GADL1: variants seen among roughly 807,000 people sequenced by gnomAD.
GADL1 encodes acidic amino acid decarboxylase GADL1.
Under a neutral mutation model 69.5 loss-of-function variants are expected in GADL1, and 71 were observed. The ratio of observed to expected loss-of-function variants is 1.02; its 90% CI spans 0.84 to 1.25. GADL1 has a LOEUF of 1.25. GADL1 is among the 50% of genes most tolerant of loss of function. The probability of loss-of-function intolerance (pLI) is 0.00; values close to 1 mark genes in which losing one functional copy is unlikely to be tolerated. For synonymous variants in GADL1, 254 were observed against 214.4 expected (o/e 1.18, Z -1.62); for missense variants, 737 against 631.8 (o/e 1.17, Z -1.79).
Position 30,849,636 on chromosome 3 carries a change from T to G in GADL1, c.651+360A>C, listed in dbSNP as rs968972596. Among the ~76,000 whole-genome samples the G allele has an allele frequency of 2.0e-5, 3 of 152,080 alleles. No individual in the cohort carries two copies. The East Asian group carries it at 5.8e-4, about 29-fold the overall frequency. On this transcript the variant is annotated intron_variant, in intron 6 of 14. Transcript: ENST00000282538. ...CCCTTATATTAGCCAATCAAAGCAATCATTTTAAAAGGAAATGTGAGTAGA... is the reference window on the plus strand; with the variant it reads ...CCCTTATATTAGCCAATCAAAGCAAGCATTTTAAAAGGAAATGTGAGTAGA...
chr3:30,859,693 A>T (rs907138923), intron 2 of GADL1, among the ~76,000 whole-genome samples: 4 of 151,972 alleles, frequency 2.6e-5, no homozygotes, highest in Non-Finnish European at 4.4e-5. Flanking sequence ...GCTGATGAAG[A>T]ATTTTCTGCT....
intron 14 of GADL1, among the ~76,000 whole-genome samples, chr3:30,729,189 A>T (rs1381005848): frequency 1.3e-5 from 2 of 152,184 alleles, no homozygotes; most frequent in Non-Finnish European, 2.9e-5. Flanking sequence ...TGAAGAAACT[A>T]GTCTAATTTA....
chr3:30,787,392 C>G (rs145110385), intron 12 of GADL1, among the ~76,000 whole-genome samples: 1 of 152,158 alleles, frequency 6.6e-6, no homozygotes, highest in Non-Finnish European at 1.5e-5. Flanking sequence ...ATTGACTCCT[C>G]TCTTCTAGGC....
At chr3:30,834,966 G>T (rs1169955136) in intron 9 of GADL1, among the ~76,000 whole-genome samples, 1 of 152,090 alleles carries the variant, frequency 6.6e-6, no homozygotes. Flanking sequence ...CTTGAAAATG[G>T]TGCAGACATA....
chr3:30,744,051 T>C (rs111332721), intron 14 of GADL1, among the ~76,000 whole-genome samples: 2 of 152,072 alleles, frequency 1.3e-5, no homozygotes. Context: ...TTATAAACCA[T>C]TGAGATTTGG....
intron 1 of GADL1, among the ~76,000 whole-genome samples, chr3:30,876,498 G>T (rs2125543182): frequency 6.6e-6 from 1 of 152,130 alleles, no homozygotes; most frequent in Non-Finnish European, 1.5e-5. Context: ...CACTTGTAAT[G>T]AACAAGTATG....
chr3:30,868,037 C>T (rs990399879), intron 1 of GADL1, among the ~76,000 whole-genome samples: 3 of 151,998 alleles, frequency 2.0e-5, no homozygotes, highest in African/African-American at 7.2e-5. Context: ...GTAACAACTT[C>T]ATTGACAGCT....
chr3:30,767,451 GAA>G (rs1696307934), intron 14 of GADL1, among the ~76,000 whole-genome samples: 5 of 151,870 alleles, frequency 3.3e-5, no homozygotes, highest in Middle Eastern at 3.4e-3. Context: ...TTGGAAAACT[GAA>G]ATAGTTTTTA....
chr3:30,858,575 A>C (rs1698264634), intron 2 of GADL1, among the ~76,000 whole-genome samples: 1 of 152,034 alleles, frequency 6.6e-6, no homozygotes, highest in African/African-American at 2.4e-5. Context: ...GATCATCCCA[A>C]GGTTTCCAGC....
chr3:30,773,976 C>T (rs1227173979), intron 14 of GADL1, among the ~76,000 whole-genome samples: 2 of 152,092 alleles, frequency 1.3e-5, no homozygotes, highest in East Asian at 1.9e-4. Context: ...ATCCAGTACC[C>T]AATTTCCAGT....
At chr3:30,814,490 A>T (rs1209919296) in intron 11 of GADL1, among the ~76,000 whole-genome samples, 1 of 152,148 alleles carries the variant, frequency 6.6e-6, no homozygotes, top group Admixed American at 6.5e-5. Context: ...TATCACAACC[A>T]CTGAACTCTA....
intron 13 of GADL1, chr3:30,778,878 C>T (rs1224027912): frequency 6.6e-6 from 1 of 152,192 alleles, no homozygotes; most frequent in Non-Finnish European, 1.5e-5. Context: ...TGTAGATTCT[C>T]ATAGGAACTC....
chr3:30,862,571 T>A (rs59210901), intron 1 of GADL1, among the ~76,000 whole-genome samples: 6,638 of 152,028 alleles, frequency 0.044, 381 homozygotes, highest in East Asian at 0.14. Context: ...ATAGCACCTG[T>A]CCTTACACAA....
chr3:30,744,571 G>A (rs6790211), intron 14 of GADL1, among the ~76,000 whole-genome samples: 43,540 of 151,566 alleles, frequency 0.29, 6,347 homozygotes, highest in African/African-American at 0.31. Flanking sequence ...AAAATTAGCC[G>A]GGTATGGTGG....
At chr3:30,791,561 G>C (rs1696916212) in intron 12 of GADL1, among the ~76,000 whole-genome samples, 1 of 152,102 alleles carries the variant, frequency 6.6e-6, no homozygotes, top group African/African-American at 2.4e-5. Context: ...TGTCAAACTG[G>C]CTAAATGTGC....
chr3:30,756,725 T>TG (rs1280777304), intron 14 of GADL1, among the ~76,000 whole-genome samples: 43 of 152,242 alleles, frequency 2.8e-4, no homozygotes, highest in African/African-American at 9.9e-4. Flanking sequence ...TTGTCCCAGA[T>TG]GAGGCCATCC....
chr3:30,848,538 G>A (rs1205310692), intron 6 of GADL1, among the ~76,000 whole-genome samples: 10 of 146,566 alleles, frequency 6.8e-5, no homozygotes. Context: ...CATGTTAGTG[G>A]CAGGATACCT....
intron 1 of GADL1, among the ~76,000 whole-genome samples, chr3:30,887,406 G>T (rs957302589): frequency 6.6e-6 from 1 of 152,104 alleles, no homozygotes; most frequent in African/African-American, 2.4e-5. Flanking sequence ...GGTTATCATA[G>T]GAAGGGAACC....
chr3:30,800,923 CA>C lies in GADL1; in HGVS notation c.1215del (p.Glu406LysfsTer14). ...MTWKALGTLG[L>X]EERVNRALAL... ...GCAAGAGCACGATTAACTCTTTCTT[CA>C]AGGCCTAATGTACCCAGGGCCTTCC... On this transcript the variant is annotated frameshift_variant, in exon 12 of 15. Coordinates refer to ENST00000282538, the MANE Select transcript of GADL1 (RefSeq NM_207359.3). LOFTEE classifies it high-confidence loss of function. The C allele has an allele frequency of 6.2e-7, 1 of 1,612,086 alleles. No individual in the cohort carries two copies. The highest frequency in any genetic ancestry group is 1.1e-5 in the South Asian group (1 of 91,042).
Sources: allele counts gnomAD v4.1 joint callset (sites outside exome capture counted in the v4.1 genomes callset), GRCh38; gene constraint gnomAD v4.1.1; transcripts MANE v1.5; gene names NCBI Gene and HGNC (gene_info 2026-07-23, HGNC 2026-07-21).